VCAN: variants seen among roughly 807,000 people sequenced by gnomAD.
The protein encoded by VCAN is versican core protein.
In VCAN, 44 loss-of-function variants were observed where a neutral mutation model predicts 245.5. That is an observed-to-expected ratio of 0.18 (90% CI 0.14 to 0.23). The LOEUF (loss-of-function observed/expected upper bound fraction) is 0.23. VCAN is among the 10% of genes least tolerant of loss of function. The pLI, the probability that VCAN is intolerant of heterozygous loss-of-function variation, is 1.00. For missense variants in VCAN, 3,793 were observed against 4,057.9 expected, an observed-to-expected ratio of 0.93 and a Z score of 1.77; for synonymous variants, 1,413 against 1,437.0, an observed-to-expected ratio of 0.98 and a Z score of 0.38.
At chr5:83,495,199 C>T (rs1338579414) in intron 5 of VCAN, among the ~76,000 whole-genome samples, 1 of 152,156 alleles carries the variant, frequency 6.6e-6, no homozygotes, top group African/African-American at 2.4e-5. Context: ...TAGATAATTT[C>T]TATGGTCTCT....
intron 5 of VCAN, among the ~76,000 whole-genome samples, chr5:83,510,496 G>GA (rs1745617323): frequency 6.6e-6 from 1 of 152,180 alleles, no homozygotes; most frequent in Non-Finnish European, 1.5e-5. Context: ...CAGTGAGATG[G>GA]AAACAGTACT....
In VCAN at chr5:83,519,323, T is replaced by A. The variant is rs371224838; in HGVS notation, c.1043-26T>A. 8.7e-6 allele frequency: 14 copies of A among 1,612,582 alleles called. No individual in the cohort carries two copies. In the Admixed American group the frequency reaches 1.7e-4, roughly 19 times the overall value. On this transcript the variant is annotated intron_variant, in intron 6 of 14. Coordinates refer to ENST00000265077, the MANE Select transcript of VCAN (RefSeq NM_004385.5). ...AAGTTTTTATTAGTGACTTGTCTAA[T>A]CAACTCTTTGAAATTATTTTTCTAG...
intron 1 of VCAN, among the ~76,000 whole-genome samples, chr5:83,479,098 G>T (rs988236050): frequency 6.6e-6 from 1 of 152,100 alleles, no homozygotes; most frequent in South Asian, 2.1e-4. Context: ...CCTAAATCAC[G>T]TGATTTCTCT....
At chr5:83,557,888 G>A (rs908036745) in intron 12 of VCAN, among the ~76,000 whole-genome samples, 2 of 152,098 alleles carry the variant, frequency 1.3e-5, no homozygotes, top group Admixed American at 6.6e-5. Context: ...GACACATGAT[G>A]AAATGTATTA....
At chr5:83,528,400 C>G (rs1189124476) in intron 7 of VCAN, among the ~76,000 whole-genome samples, 1 of 152,012 alleles carries the variant, frequency 6.6e-6, no homozygotes, top group Non-Finnish European at 1.5e-5. Flanking sequence ...AGCTGTTTTT[C>G]TAAATAGAGT....
At chr5:83,545,485 C>T (rs996185463) in intron 8 of VCAN, 52 bp from the exon 9 acceptor site, 2 of 1,490,094 alleles carry the variant, frequency 1.3e-6, no homozygotes, top group African/African-American at 1.4e-5. Flanking sequence ...AAAATACACG[C>T]AAACATTAGA....
intron 13 of VCAN, among the ~76,000 whole-genome samples, chr5:83,578,657 A>C (rs1748561380): frequency 6.6e-6 from 1 of 152,180 alleles, no homozygotes; most frequent in Non-Finnish European, 1.5e-5. Flanking sequence ...GGATGTTGAC[A>C]TTCAAATATT....
rs1745689956 is a variant in VCAN, at chr5:83,512,276, G to A, written c.922G>A (p.Val308Met). 1 of 1,614,194 alleles carries A rather than the reference G, an allele frequency of 6.2e-7. No individual in the cohort carries two copies. Among genetic ancestry groups the A allele is most frequent in the Non-Finnish European group, 8.5e-7 (1 of 1,180,032 alleles). ...GTCGGATGCCAGCGTGCGCCACCCT[G>A]TGACTGTGGCCAGGGCCCAGTGTGG... The part of the protein sequence containing the change: ...WLSDASVRHP[V>M]TVARAQCGGG... The change falls in exon 6 of 15, where the codon GTG becomes ATG. Residue 308 changes from valine (V) to methionine (M), a missense_variant. Around this residue, in one of 5 missense-constraint regions of VCAN, gnomAD observed 190 missense variants for 288.6 expected, o/e 0.66. Coordinates refer to ENST00000265077, the MANE Select transcript of VCAN (RefSeq NM_004385.5).
rs770380076 is a variant in VCAN at position 83,519,770 on chromosome 5, A to G, written c.1464A>G (p.Thr488=). 6.2e-7 allele frequency: 1 copy of G among 1,614,182 alleles called. No homozygotes were observed. Among genetic ancestry groups the G allele is most frequent in the Admixed American group, 1.7e-5 (1 of 60,030 alleles). The change falls in exon 7 of 15, where the codon ACA becomes ACG. Residue 488 remains threonine (T), a synonymous_variant. Transcript: ENST00000265077. ...ATAAACAAACACAAGAATCGGTTAC[A>G]CAGATTGAACAAATAGAAGTGGGTC... The part of the protein sequence containing the change: ...VEDKQTQESV[T]QIEQIEVGPL...
At chr5:83,486,766 AAT>A (rs1264628907) in intron 2 of VCAN, among the ~76,000 whole-genome samples, 1 of 152,228 alleles carries the variant, frequency 6.6e-6, no homozygotes, top group Non-Finnish European at 1.5e-5. Flanking sequence ...ATTCTTTGTA[AAT>A]CCATGATCAC....
At chr5:83,512,060 A>G in intron 5 of VCAN, 43 bp from the exon 6 acceptor site, 2 of 1,611,942 alleles carry the variant, frequency 1.2e-6, no homozygotes, top group Non-Finnish European at 1.7e-6. Context: ...GAAAGGAATG[A>G]ATAATAAAAC....
In VCAN at chr5:83,540,955, A is replaced by G; in HGVS notation, c.7952A>G (p.His2651Arg). 2 of 1,614,132 alleles carry G rather than the reference A, an allele frequency of 1.2e-6. No homozygotes were observed. The highest frequency in any genetic ancestry group is 1.7e-6 in the Non-Finnish European group (2 of 1,180,012). ...CTGGCTAGCTACACTCAGGCAACAC[A>G]TGATGAATCAATGACTTATGAAGAT... The part of the protein sequence containing the change: ...DVLASYTQAT[H>R]DESMTYEDRS... Residue 2651 changes from histidine to arginine, a missense_variant, in exon 8 of 15, where the codon CAT (histidine) becomes CGT (arginine). By Grantham distance (29) the His-to-Arg change is conservative. Around this residue, in one of 5 missense-constraint regions of VCAN, gnomAD observed 3,182 missense variants for 3,250.3 expected, o/e 0.98. Transcript: ENST00000265077.
chr5:83,518,253 A>G (rs374449919), intron 6 of VCAN, among the ~76,000 whole-genome samples: 1 of 152,160 alleles, frequency 6.6e-6, no homozygotes, highest in African/African-American at 2.4e-5. Flanking sequence ...TTTTAAAAAA[A>G]CAATCATTAT....
intron 2 of VCAN, 49 bp from the exon 3 acceptor site, chr5:83,490,049 A>C (rs1468412821): frequency 6.2e-7 from 1 of 1,608,610 alleles, no homozygotes; most frequent in Non-Finnish European, 8.5e-7. Context: ...GAATAGATTA[A>C]GTTTGGGTTT....
At chr5:83,489,391 A>C (rs1423830890) in intron 2 of VCAN, among the ~76,000 whole-genome samples, 2 of 152,200 alleles carry the variant, frequency 1.3e-5, no homozygotes, top group African/African-American at 4.8e-5. Context: ...TAAAAGTTTA[A>C]ACAGAAGGAC....
At chr5:83,501,289 A>C (rs572152837) in intron 5 of VCAN, among the ~76,000 whole-genome samples, 220 of 152,316 alleles carry the variant, frequency 1.4e-3, no homozygotes, top group Non-Finnish European at 2.4e-3. Flanking sequence ...TTTGAAGCAC[A>C]AAAGTGTTTA....
In VCAN at chr5:83,487,433, A is replaced by G. The variant is rs547462391; in HGVS notation, c.71-2665A>G. 3.5e-4 allele frequency among the ~76,000 whole-genome samples: 54 copies of G among 152,310 alleles called. 1 individual carries two copies. In the South Asian group the frequency reaches 0.011, roughly 31 times the overall value. ...CAATGTTTTGTTAGGATTCATTTTT[A>G]TTACTTGAATTGTCAGCATTTCAGA... On this transcript the variant is annotated intron_variant, in intron 2 of 14. Coordinates refer to ENST00000265077, the MANE Select transcript of VCAN (RefSeq NM_004385.5).
chr5:83,520,376 A>G lies in VCAN; in HGVS notation c.2070A>G (p.Leu690=). The change falls in exon 7 of 15, where the codon CTA becomes CTG. Residue 690 remains leucine (L), a synonymous_variant. Coordinates refer to ENST00000265077, the MANE Select transcript of VCAN (RefSeq NM_004385.5). ...MTHRRERTET[L]IPEMRTDTYT... is the part of the protein sequence containing the mutation. ...ATAGAAGAGAAAGAACAGAAACACT[A>G]ATACCAGAGATGAGAACAGATACTT... is the stretch of plus-strand genomic sequence containing the variant. The G allele has an allele frequency of 6.2e-7, 1 of 1,612,568 alleles. No individual in the cohort carries two copies. Among genetic ancestry groups the G allele is most frequent in the South Asian group, 1.1e-5 (1 of 90,938 alleles).
chr5:83,496,546 C>G (rs898515098), intron 5 of VCAN, among the ~76,000 whole-genome samples: 1 of 152,158 alleles, frequency 6.6e-6, no homozygotes, highest in Non-Finnish European at 1.5e-5. Context: ...AGCAAAGTAA[C>G]AAGGCATTTA....
Sources: gnomAD v4.1 joint callset for allele counts (sites outside exome capture counted in the v4.1 genomes callset) on GRCh38, gnomAD v4.1.1 for gene constraint, gnomAD v4.1.1 regional missense constraint, MANE v1.5 for transcripts, NCBI Gene and HGNC (gene_info 2026-07-23, HGNC 2026-07-21) for gene names.